The following SIAH1 variants were observed in gnomAD, a reference collection of about 807,000 sequenced individuals.
SIAH1 encodes siah E3 ubiquitin protein ligase 1.
In SIAH1, 2 loss-of-function variants were observed where a neutral mutation model predicts 20.0. The ratio of observed to expected loss-of-function variants is 0.10; its 90% CI spans 0.04 to 0.31. The LOEUF (loss-of-function observed/expected upper bound fraction) is 0.31, where lower values mean the gene tolerates loss of function less well. Among genes scored for constraint, SIAH1 ranks in the 10% least tolerant of loss-of-function variants. The pLI, the probability that SIAH1 is intolerant of heterozygous loss-of-function variation, is 1.00. For missense variants in SIAH1, 119 were observed against 355.3 expected, an observed-to-expected ratio of 0.33 and a Z score of 5.35; for synonymous variants, 118 against 125.3, an observed-to-expected ratio of 0.94 and a Z score of 0.39.
intron 1 of SIAH1, chr16:48,363,861 A>G (rs1037723552): frequency 6.1e-6 from 1 of 164,932 alleles, no homozygotes; most frequent in Non-Finnish European, 1.5e-5. Flanking sequence ...ATGGCAGGCC[A>G]CTATTTGTCT....
Position 48,361,102 on chromosome 16 carries a change from A to T in SIAH1, c.*478T>A, listed in dbSNP as rs1960567030. 1 of 152,902 alleles carries T rather than the reference A, an allele frequency of 6.5e-6. No individual in the cohort carries two copies. Among genetic ancestry groups the T allele is most frequent in the Non-Finnish European group, 1.5e-5 (1 of 68,262 alleles). 9.5% of individuals were successfully genotyped at this position (152,902 alleles called of 1,614,324 possible). Reference sequence around the variant, plus strand: ...TGAAAAACTAAAATTAATAAAAATTAGCAAATACACACAAAAAAAGCACAC... The same window carrying T: ...TGAAAAACTAAAATTAATAAAAATTTGCAAATACACACAAAAAAAGCACAC... On this transcript the variant is annotated 3_prime_UTR_variant, in exon 2 of 2. Coordinates refer to ENST00000394725, the MANE Select transcript of SIAH1 (RefSeq NM_003031.4).
intron 1 of SIAH1, among the ~76,000 whole-genome samples, chr16:48,382,838 C>G (rs1961333642): frequency 1.3e-5 from 2 of 152,120 alleles, no homozygotes; most frequent in Non-Finnish European, 2.9e-5. Context: ...AAGCAGTCAC[C>G]TAAAACTCTG....
Position 48,362,072 on chromosome 16 carries a change from C to G in SIAH1, c.357G>C (p.Glu119Asp), listed in dbSNP as rs780038021. 1.2e-6 allele frequency: 2 copies of G among 1,614,102 alleles called. No homozygotes were observed. Among genetic ancestry groups the G allele is most frequent in the African/African-American group, 2.7e-5 (2 of 74,930 alleles). The change falls in exon 2 of 2, where the codon GAG becomes GAC. Residue 119 changes from glutamate to aspartate, a missense_variant. Glu to Asp is a conservative substitution (Grantham distance 45). This residue lies in a region of SIAH1 where 84 missense variants were observed against 307.8 expected (regional missense o/e 0.27). Transcript: ENST00000394725. The surrounding 1 kb of genome is among the most constrained non-coding windows in gnomAD (Gnocchi z 4.2). ...LPHTEKADHE[E>D]LCEFRPYSCP... ...AGGAATAAGGCCTAAACTCACAGAG[C>G]TCTTCATGGTCTGCTTTTTCTGTGT...
chr16:48,385,159 G>A (rs1457467402), intron 1 of SIAH1, 45 bp downstream of exon 1: 1 of 225,666 alleles, frequency 4.4e-6, no homozygotes, highest in Non-Finnish European at 9.6e-6. Context: ...GCCTGTCGGA[G>A]AGCCCCTCGC....
chr16:48,380,944 A>AAAAAAAAAAAAAAAAAAAAAAAAAAAC (rs1567377283), intron 1 of SIAH1, among the ~76,000 whole-genome samples: 1 of 150,038 alleles, frequency 6.7e-6, no homozygotes, highest in Non-Finnish European at 1.5e-5. Flanking sequence ...AAAAAAAAAA[A>AAAAAAAAAAAAAAAAAAAAAAAAAAAC]AGAACGGCTA....
At chr16:48,378,655 A>G (rs1370644706) in intron 1 of SIAH1, among the ~76,000 whole-genome samples, 1 of 152,250 alleles carries the variant, frequency 6.6e-6, no homozygotes, top group East Asian at 1.9e-4. Flanking sequence ...GTATTCTCCT[A>G]GAATCTCCTT....
upstream of SIAH1, chr16:48,385,581 C>G (rs988554703): frequency 6.6e-6 from 1 of 151,976 alleles, no homozygotes; most frequent in African/African-American, 2.4e-5. Context: ...GTGCGGGTCT[C>G]CAAAGGCGGC....
chr16:48,370,547 GGTGGCTC>G (rs1373645878), intron 1 of SIAH1, among the ~76,000 whole-genome samples: 3 of 151,964 alleles, frequency 2.0e-5, no homozygotes, highest in Non-Finnish European at 4.4e-5. Context: ...GGCTGGGCGC[GGTGGCTC>G]GTGCCTGTAA....
intron 1 of SIAH1, among the ~76,000 whole-genome samples, chr16:48,371,824 A>G (rs958819170): frequency 2.0e-5 from 3 of 152,220 alleles, no homozygotes; most frequent in Admixed American, 6.5e-5. Context: ...TATGTTTTAT[A>G]TTCTCTCAGG....
chr16:48,365,236 G>GA, intron 1 of SIAH1: 1 of 785,046 alleles, frequency 1.3e-6, no homozygotes, highest in South Asian at 1.9e-5. Context: ...GATTTAAACA[G>GA]AAAAAAGAAC....
intron 1 of SIAH1, among the ~76,000 whole-genome samples, chr16:48,369,558 C>G (rs982162548): frequency 1.3e-5 from 2 of 151,684 alleles, no homozygotes; most frequent in Admixed American, 6.6e-5. Flanking sequence ...AGGCAATATA[C>G]TGAGACCTCA....
At chr16:48,365,719 G>A (rs1330896872) in intron 1 of SIAH1, 5 of 1,421,148 alleles carry the variant, frequency 3.5e-6, no homozygotes, top group Non-Finnish European at 4.6e-6. Context: ...GGGAGCCACA[G>A]CTGCGCTGTC....
chr16:48,370,967 A>G (rs1259199308), intron 1 of SIAH1, among the ~76,000 whole-genome samples: 1 of 151,852 alleles, frequency 6.6e-6, no homozygotes, highest in Non-Finnish European at 1.5e-5. Context: ...TACAAAAATT[A>G]GCTGGGTGTG....
intron 1 of SIAH1, among the ~76,000 whole-genome samples, chr16:48,367,994 T>C (rs1466941409): frequency 6.6e-6 from 1 of 152,234 alleles, no homozygotes. Context: ...GTTGTCTTAG[T>C]AATTTCAGAG....
upstream of SIAH1, among the ~76,000 whole-genome samples, chr16:48,386,027 T>C (rs545333504): frequency 6.6e-6 from 1 of 152,194 alleles, no homozygotes; most frequent in East Asian, 1.9e-4. Flanking sequence ...AAGTGGGTAA[T>C]GGGGAAGCAC....
At chr16:48,364,714 G>A (rs572496941) in intron 1 of SIAH1, 7 of 152,364 alleles carry the variant, frequency 4.6e-5, no homozygotes, top group African/African-American at 1.4e-4. Context: ...GCTGTATGCT[G>A]TATGCCTACT....
intron 1 of SIAH1, among the ~76,000 whole-genome samples, chr16:48,373,433 G>A (rs73562067): frequency 0.017 from 2,560 of 152,272 alleles, 59 homozygotes; most frequent in African/African-American, 0.057. Context: ...CTCAGGTCAA[G>A]CGCCTTCGAG....
chr16:48,376,152 T>C (rs1738069235), intron 1 of SIAH1, among the ~76,000 whole-genome samples: 1 of 152,218 alleles, frequency 6.6e-6, no homozygotes, highest in African/African-American at 2.4e-5. Flanking sequence ...AAAATGTCTA[T>C]GATGGTTACT....
chr16:48,367,566 G>A (rs1960873447), intron 1 of SIAH1, among the ~76,000 whole-genome samples: 1 of 152,178 alleles, frequency 6.6e-6, no homozygotes, highest in Non-Finnish European at 1.5e-5. Context: ...TGTGTATCAT[G>A]GATGGTACAT....
Sources: gnomAD v4.1 joint callset for allele counts (sites outside exome capture counted in the v4.1 genomes callset) on GRCh38, gnomAD v4.1.1 for gene constraint, gnomAD v4.1.1 regional missense constraint, Gnocchi (gnomAD v3.1) non-coding constraint, MANE v1.5 for transcripts, NCBI Gene and HGNC (gene_info 2026-07-23, HGNC 2026-07-21) for gene names.